ZNF593: variants seen among roughly 807,000 people sequenced by gnomAD.
ZNF593 encodes zinc finger protein 593, also known as BUD20 homolog.
In ZNF593, 18 loss-of-function variants were observed where a neutral mutation model predicts 12.9. The ratio of observed to expected loss-of-function variants is 1.40; its 90% CI spans 0.96 to 2.07. The LOEUF is 2.07. Ranked by LOEUF, ZNF593 falls within the 30% of genes most tolerant of loss-of-function variation. ZNF593 has a pLI of 0.00. For missense variants in ZNF593, 198 were observed against 186.7 expected, an observed-to-expected ratio of 1.06 and a Z score of -0.35; for synonymous variants, 79 against 79.9, an observed-to-expected ratio of 0.99 and a Z score of 0.06.
Position 26,169,945 on chromosome 1 carries a change from C to G in ZNF593, c.-39C>G. 1 of 1,512,136 alleles carries G rather than the reference C, an allele frequency of 6.6e-7. No homozygotes were observed. Among genetic ancestry groups the G allele is most frequent in the Non-Finnish European group, 8.8e-7 (1 of 1,134,142 alleles). The allele number at this position is 1,512,136 out of a possible 1,614,324, so 93.7% of individuals were successfully genotyped here. A position where few individuals can be genotyped will look rare whatever the true frequency, so the allele number is the denominator to read the frequency against. Reference sequence around the variant, plus strand: ...AGTGCTCACACGTGTGCTCCCTGCCCTGCTCCTGGCCCCTTGGCCGGCCGG... The same window carrying G: ...AGTGCTCACACGTGTGCTCCCTGCCGTGCTCCTGGCCCCTTGGCCGGCCGG... On this transcript the variant is annotated 5_prime_UTR_variant, in exon 1 of 3. Transcript: ENST00000374266.
At position 26,170,745 on chromosome 1, in the gene ZNF593, T is replaced by C. The variant is rs200518202; in HGVS notation, c.*29T>C. The C allele has an allele frequency of 1.3e-5, 20 of 1,593,776 alleles. No homozygotes were observed. In the East Asian group the frequency reaches 3.1e-4, roughly 25 times the overall value. On this transcript the variant is annotated 3_prime_UTR_variant, in exon 3 of 3. Transcript: ENST00000374266. ...GGCCTGAAGATGCAGGGCAGAGGAATTGCCCATGGACAGTGACGCAAGGAC... is the reference window on the plus strand; with the variant it reads ...GGCCTGAAGATGCAGGGCAGAGGAACTGCCCATGGACAGTGACGCAAGGAC...
Position 26,170,425 on chromosome 1 carries a change from T to G in ZNF593, c.208T>G (p.Phe70Val), listed in dbSNP as rs754309587. The change falls in exon 2 of 3, where the codon TTC (phenylalanine) becomes GTC (valine). Residue 70 changes from phenylalanine to valine, a missense_variant. Transcript: ENST00000374266. ...TCACTTCCATTCCTACAGGAGGTAC[T>G]TCATCGATTCCACCAACCTGAAGAC... ...LHRCLACARY[F>V]IDSTNLKTHF... 2 of 1,613,972 alleles carry G rather than the reference T, an allele frequency of 1.2e-6. No homozygotes were observed. The highest frequency in any genetic ancestry group is 1.7e-6 in the Non-Finnish European group (2 of 1,179,886).
chr1:26,170,771 T>G lies in ZNF593; in HGVS notation c.*55T>G. 6.4e-7 allele frequency: 1 copy of G among 1,571,444 alleles called. No homozygotes were observed. Among genetic ancestry groups the G allele is most frequent in the Non-Finnish European group, 8.6e-7 (1 of 1,163,912 alleles). On this transcript the variant is annotated 3_prime_UTR_variant, in exon 3 of 3. Transcript: ENST00000374266. Reference sequence around the variant, plus strand: ...TGCCCATGGACAGTGACGCAAGGACTAGGCTGGGAGGGAGCGTGCCAACCC... The same window carrying G: ...TGCCCATGGACAGTGACGCAAGGACGAGGCTGGGAGGGAGCGTGCCAACCC...
chr1:26,169,969 G>T lies in ZNF593; in HGVS notation c.-15G>T. 1 of 1,531,832 alleles carries T rather than the reference G, an allele frequency of 6.5e-7. No homozygotes were observed. Among genetic ancestry groups the T allele is most frequent in the Non-Finnish European group, 8.8e-7 (1 of 1,142,744 alleles). 94.9% of individuals were successfully genotyped at this position (1,531,832 alleles called of 1,614,324 possible). A position where few individuals can be genotyped will look rare whatever the true frequency, so the allele number is the denominator to read the frequency against. ...CCTGCTCCTGGCCCCTTGGCCGGCC[G>T]GGCTGTTTCTGGCCATGGGTCGCTC... On this transcript the variant is annotated 5_prime_UTR_variant, in exon 1 of 3. Transcript: ENST00000374266.
Position 26,170,100 on chromosome 1 carries a change from A to G in ZNF593, c.117A>G (p.Gly39=). The part of the protein sequence containing the change: ...DEIHRELRPQ[G]SARPQPDPNA... ...TTCACCGCGAGCTGCGGCCTCAGGG[A>G]TCCGCACGACCCCAGCCCGACCCAA... Residue 39 remains glycine (G), a synonymous_variant, in exon 1 of 3, where the codon GGA becomes GGG. Transcript: ENST00000374266. 2 of 1,570,916 alleles carry G rather than the reference A, an allele frequency of 1.3e-6. No homozygotes were observed. Among genetic ancestry groups the G allele is most frequent in the Non-Finnish European group, 1.7e-6 (2 of 1,160,580 alleles).
chr1:26,170,486 A>C lies in ZNF593; in HGVS notation c.263+6A>C. On this transcript the variant is annotated splice_donor_region_variant and intron_variant, in intron 2 of 2. Transcript: ENST00000374266. The stretch of plus-strand genomic sequence containing the variant: ...TCCAAAGACCACAAGAAAAGGTATG[A>C]AGGAGTAAGGAGAGGATTGATGGAT... The C allele has an allele frequency of 6.2e-7, 1 of 1,614,186 alleles. No homozygotes were observed. Among genetic ancestry groups the C allele is most frequent in the Non-Finnish European group, 8.5e-7 (1 of 1,180,002 alleles).
Position 26,170,184 on chromosome 1 carries a change from G to C in ZNF593, c.200+1G>C. 2 of 1,572,828 alleles carry C rather than the reference G, an allele frequency of 1.3e-6. No homozygotes were observed. The highest frequency in any genetic ancestry group is 8.6e-7 in the Non-Finnish European group (1 of 1,163,208). ...GTCTGCACCGCTGTCTGGCCTGCGC[G>C]TGAGTCCCGGACGAGCCCGGCCTGG... On this transcript the variant is annotated splice_donor_variant, in intron 1 of 2. Coordinates refer to ENST00000374266, the MANE Select transcript of ZNF593 (RefSeq NM_015871.5). LOFTEE classifies it high-confidence loss of function.
At chr1:26,170,245 T>A in intron 1 of ZNF593, 62 bp downstream of exon 1, 1 of 1,578,626 alleles carries the variant, frequency 6.3e-7, no homozygotes, top group Non-Finnish European at 8.6e-7. Context: ...CCGGGAGATG[T>A]GAAGTTGAAG....
Position 26,170,142 on chromosome 1 carries a change from C to A in ZNF593, c.159C>A (p.Pro53=). Residue 53 remains proline (P), a synonymous_variant, in exon 1 of 3, where the codon CCC becomes CCA. Transcript: ENST00000374266. ...PQPDPNAEFD[P]DLPGGGLHRC... is the part of the protein sequence containing the mutation. ...CCGACCCAAACGCCGAGTTCGACCC[C>A]GACCTGCCAGGGGGCGGTCTGCACC... 1 of 1,571,984 alleles carries A rather than the reference C, an allele frequency of 6.4e-7. No individual in the cohort carries two copies. Among genetic ancestry groups the A allele is most frequent in the East Asian group, 2.4e-5 (1 of 42,318 alleles).
chr1:26,170,208 G>T, intron 1 of ZNF593, 25 bp downstream of exon 1: 1 of 1,578,432 alleles, frequency 6.3e-7, no homozygotes, highest in East Asian at 2.3e-5. Context: ...AGCCCGGCCT[G>T]GGGCGGAGGA....
Position 26,170,664 on chromosome 1 carries a change from C to T in ZNF593, c.353C>T (p.Ala118Val). The T allele has an allele frequency of 6.2e-7, 1 of 1,611,512 alleles. No individual in the cohort carries two copies. Among genetic ancestry groups the T allele is most frequent in the Non-Finnish European group, 8.5e-7 (1 of 1,179,994 alleles). Residue 118 changes from alanine (A) to valine (V), a missense_variant, in exon 3 of 3, where the codon GCA (alanine) becomes GTA (valine). Ala to Val is a moderately conservative substitution (Grantham distance 64, BLOSUM62 0). Transcript: ENST00000374266. ...TCCTATGTGCCCCCCAGGCGGCTGGCAGTGCCCACGGAAGTGTCCACTGAG... is the reference window on the plus strand; with the variant it reads ...TCCTATGTGCCCCCCAGGCGGCTGGTAGTGCCCACGGAAGTGTCCACTGAG... ...MGSYVPPRRL[A>V]VPTEVSTEVP...
chr1:26,169,922 T>C lies in ZNF593; in HGVS notation c.-62T>C, dbSNP rs2124497071. On this transcript the variant is annotated 5_prime_UTR_variant, in exon 1 of 3. Coordinates refer to ENST00000374266, the MANE Select transcript of ZNF593 (RefSeq NM_015871.5). ...CTGACGTAGCTGATCGGCCCGGAAG[T>C]GCTCACACGTGTGCTCCCTGCCCTG... is the stretch of plus-strand genomic sequence containing the variant. 1 of 1,461,198 alleles carries C rather than the reference T, an allele frequency of 6.8e-7. No individual in the cohort carries two copies. 90.5% of individuals were successfully genotyped at this position (1,461,198 alleles called of 1,614,324 possible).
In ZNF593 at chr1:26,170,657, C is replaced by T; in HGVS notation, c.346C>T (p.Arg116Trp). The T allele has an allele frequency of 6.2e-7, 1 of 1,612,088 alleles. No individual in the cohort carries two copies. The highest frequency in any genetic ancestry group is 8.5e-7 in the Non-Finnish European group (1 of 1,180,016). ...AGMGSYVPPRRLAVPTEVSTE... is the reference protein window; with the variant it reads ...AGMGSYVPPRWLAVPTEVSTE... ...TATGGGATCCTATGTGCCCCCCAGG[C>T]GGCTGGCAGTGCCCACGGAAGTGTC... The change falls in exon 3 of 3, where the codon CGG becomes TGG. Residue 116 changes from arginine (R) to tryptophan (W), a missense_variant. Physicochemically the swap from Arg to Trp is moderately radical, Grantham distance 101 (BLOSUM62 -3). Coordinates refer to ENST00000374266, the MANE Select transcript of ZNF593 (RefSeq NM_015871.5).
At position 26,170,104 on chromosome 1, in the gene ZNF593, G is replaced by C. The variant is rs756401448; in HGVS notation, c.121G>C (p.Ala41Pro). ...CCGCGAGCTGCGGCCTCAGGGATCC[G>C]CACGACCCCAGCCCGACCCAAACGC... Reference protein sequence around the residue: ...IHRELRPQGSARPQPDPNAEF... With the variant: ...IHRELRPQGSPRPQPDPNAEF... Residue 41 changes from alanine to proline, a missense_variant, in exon 1 of 3, where the codon GCA becomes CCA. Coordinates refer to ENST00000374266, the MANE Select transcript of ZNF593 (RefSeq NM_015871.5). The C allele has an allele frequency of 6.4e-7, 1 of 1,570,298 alleles. No individual in the cohort carries two copies. The highest frequency in any genetic ancestry group is 2.3e-5 in the East Asian group (1 of 42,702).
Position 26,170,442 on chromosome 1 carries a change from C to T in ZNF593, c.225C>T (p.Asn75=). The T allele has an allele frequency of 6.2e-7, 1 of 1,614,148 alleles. No homozygotes were observed. The highest frequency in any genetic ancestry group is 8.5e-7 in the Non-Finnish European group (1 of 1,180,020). Residue 75 remains asparagine (N), a synonymous_variant, in exon 2 of 3, where the codon AAC becomes AAT. Coordinates refer to ENST00000374266, the MANE Select transcript of ZNF593 (RefSeq NM_015871.5). ...GGAGGTACTTCATCGATTCCACCAA[C>T]CTGAAGACCCACTTCCGATCCAAAG... The part of the protein sequence containing the change: ...ACARYFIDST[N]LKTHFRSKDH...
rs2124497980 is a variant in ZNF593 at position 26,170,673 on chromosome 1, C to T, written c.362C>T (p.Thr121Met). The T allele has an allele frequency of 6.2e-7, 1 of 1,610,696 alleles. No homozygotes were observed. Among genetic ancestry groups the T allele is most frequent in the Non-Finnish European group, 8.5e-7 (1 of 1,179,984 alleles). The part of the protein sequence containing the change: ...YVPPRRLAVP[T>M]EVSTEVPEMD... ...CCCCCCAGGCGGCTGGCAGTGCCCA[C>T]GGAAGTGTCCACTGAGGTCCCTGAG... The change falls in exon 3 of 3, where the codon ACG (threonine) becomes ATG (methionine). Residue 121 changes from threonine to methionine, a missense_variant. Thr to Met is a moderately conservative substitution (Grantham distance 81). Transcript: ENST00000374266.
Position 26,170,613 on chromosome 1 carries a change from A to G in ZNF593, c.302A>G (p.Glu101Gly). 3 of 1,613,602 alleles carry G rather than the reference A, an allele frequency of 1.9e-6. No individual in the cohort carries two copies. The highest frequency in any genetic ancestry group is 2.2e-5 in the South Asian group (2 of 91,082). Reference sequence around the variant, plus strand: ...AGCGTCGAGCCCTACAGTCAGGAAGAGGCGGAGAGGGCAGCGGGTATGGGA... The same window carrying G: ...AGCGTCGAGCCCTACAGTCAGGAAGGGGCGGAGAGGGCAGCGGGTATGGGA... ...QLSVEPYSQE[E>G]AERAAGMGSY... is the part of the protein sequence containing the mutation. The change falls in exon 3 of 3, where the codon GAG becomes GGG. Residue 101 changes from glutamate (E) to glycine (G), a missense_variant. Physicochemically the swap from Glu to Gly is moderately conservative, Grantham distance 98 (BLOSUM62 -2). Transcript: ENST00000374266.
chr1:26,170,462 C>G lies in ZNF593; in HGVS notation c.245C>G (p.Ser82Cys), dbSNP rs780311322. 9.3e-6 allele frequency: 15 copies of G among 1,614,076 alleles called. No homozygotes were observed. The highest frequency in any genetic ancestry group is 1.7e-5 in the Admixed American group (1 of 60,004). Residue 82 changes from serine (S) to cysteine (C), a missense_variant, in exon 2 of 3, where the codon TCC (serine) becomes TGC (cysteine). By Grantham distance (112) the Ser-to-Cys change is moderately radical (BLOSUM62 -1). Coordinates refer to ENST00000374266, the MANE Select transcript of ZNF593 (RefSeq NM_015871.5). ...ACCAACCTGAAGACCCACTTCCGATCCAAAGACCACAAGAAAAGGTATGAA... is the reference window on the plus strand; with the variant it reads ...ACCAACCTGAAGACCCACTTCCGATGCAAAGACCACAAGAAAAGGTATGAA... ...DSTNLKTHFR[S>C]KDHKKRLKQL...
chr1:26,170,118 C>T lies in ZNF593; in HGVS notation c.135C>T (p.Pro45=). The part of the protein sequence containing the change: ...LRPQGSARPQ[P]DPNAEFDPDL... ...CTCAGGGATCCGCACGACCCCAGCC[C>T]GACCCAAACGCCGAGTTCGACCCCG... The change falls in exon 1 of 3, where the codon CCC becomes CCT. Residue 45 remains proline (P), a synonymous_variant. Transcript: ENST00000374266. 1 of 1,570,698 alleles carries T rather than the reference C, an allele frequency of 6.4e-7. No homozygotes were observed.
Sources: gnomAD v4.1 joint callset for allele counts on GRCh38, gnomAD v4.1.1 for gene constraint, MANE v1.5 for transcripts, NCBI Gene and HGNC (gene_info 2026-07-23, HGNC 2026-07-21) for gene names.